The following ALG9 variants were observed in gnomAD, a reference collection of about 807,000 sequenced individuals.
ALG9 encodes ALG9 alpha-1,2-mannosyltransferase, also known as alpha-1,2-mannosyltransferase ALG9.
Under a neutral mutation model 81.8 loss-of-function variants are expected in ALG9, and 55 were observed. That is an observed-to-expected ratio of 0.67 (90% CI 0.54 to 0.84). The LOEUF is 0.84. Among genes scored for constraint, ALG9 ranks in the 40% least tolerant of loss-of-function variants. ALG9 has a pLI of 0.00. For missense variants in ALG9, 629 were observed against 745.0 expected, an observed-to-expected ratio of 0.84 and a Z score of 1.81; for synonymous variants, 278 against 274.3, an observed-to-expected ratio of 1.01 and a Z score of -0.13.
chr11:111,834,219 A>G (rs1441676762), intron 13 of ALG9, among the ~76,000 whole-genome samples: 4 of 152,222 alleles, frequency 2.6e-5, no homozygotes, highest in Non-Finnish European at 5.9e-5. Flanking sequence ...TATGGACTTA[A>G]ATAGTTCACT....
the ALG9 span, among the ~76,000 whole-genome samples, chr11:111,774,100 C>A: frequency 0.74 from 107,155 of 144,214 alleles, 40,465 homozygotes; most frequent in African/African-American, 0.89. Context: ...AAAAGCAGCA[C>A]GGAGGCCGGG....
At chr11:111,861,087 G>A (rs1959917239) in intron 4 of ALG9, among the ~76,000 whole-genome samples, 1 of 152,212 alleles carries the variant, frequency 6.6e-6, no homozygotes, top group South Asian at 2.1e-4. Context: ...GCTTAGGAGA[G>A]TGCCTGGCAC....
At chr11:111,837,748 C>G in intron 11 of ALG9, 133 bp from the exon 12 acceptor site, 1 of 1,003,026 alleles carries the variant, frequency 1.0e-6, no homozygotes, top group Non-Finnish European at 1.5e-6. Context: ...GCCATTCCAG[C>G]ATGAAGCCTG....
chr11:111,796,603 G>A (rs1948323318), intron 14 of ALG9, among the ~76,000 whole-genome samples: 1 of 152,180 alleles, frequency 6.6e-6, no homozygotes, highest in African/African-American at 2.4e-5. Flanking sequence ...GTGTTTTGAA[G>A]CCAAATCTGG....
chr11:111,858,270 T>C (rs1959032862), intron 5 of ALG9, among the ~76,000 whole-genome samples: 1 of 152,052 alleles, frequency 6.6e-6, no homozygotes, highest in Non-Finnish European at 1.5e-5. Flanking sequence ...AACCCAATTA[T>C]ACAATTCTAA....
chr11:111,846,590 A>C lies in ALG9; in HGVS notation c.896-1867T>G, dbSNP rs147793755. On this transcript the variant is annotated intron_variant, in intron 8 of 14. Transcript: ENST00000616540. ...TTCAGAGCTCATAAATCAAGTTTCC[A>C]ACTAGGCTGTGAACATTTCATAACA... Among the ~76,000 whole-genome samples the C allele has an allele frequency of 3.9e-4, 60 of 152,346 alleles. No homozygotes were observed. The East Asian group carries it at 4.2e-3, about 11-fold the overall frequency.
chr11:111,848,415 T>C (rs1555132901), intron 8 of ALG9, among the ~76,000 whole-genome samples: 2 of 151,952 alleles, frequency 1.3e-5, no homozygotes, highest in South Asian at 2.1e-4. Flanking sequence ...TTGACCAACA[T>C]GGAGAAACCC....
chr11:111,835,307 C>T (rs1383650025), intron 13 of ALG9, among the ~76,000 whole-genome samples: 2 of 152,192 alleles, frequency 1.3e-5, no homozygotes, highest in Middle Eastern at 6.8e-3. Flanking sequence ...TACTTCTTAC[C>T]TTTTTCATTA....
intron 13 of ALG9, among the ~76,000 whole-genome samples, chr11:111,820,737 T>C (rs1288977858): frequency 6.6e-6 from 1 of 152,136 alleles, no homozygotes; most frequent in East Asian, 1.9e-4. Flanking sequence ...TGTAAAGAAG[T>C]TCTAAGATGT....
chr11:111,788,188 G>T (rs149416462), intron 14 of ALG9, among the ~76,000 whole-genome samples: 3 of 152,192 alleles, frequency 2.0e-5, no homozygotes, highest in East Asian at 1.9e-4. Flanking sequence ...CGTGGCATTT[G>T]TACTGGCAGC....
chr11:111,819,118 G>A lies in ALG9; in HGVS notation c.1603-9345C>T, dbSNP rs112270474. Among the ~76,000 whole-genome samples, 982 of 152,336 alleles carry A rather than the reference G, an allele frequency of 6.4e-3. 10 individuals are homozygous for A. Among genetic ancestry groups the A allele is most frequent in the African/African-American group, 0.022 (917 of 41,572 alleles). On this transcript the variant is annotated intron_variant, in intron 13 of 14. Transcript: ENST00000616540. ...CTGAGAAAAGGCAACAGGAGGAATG[G>A]GTTCAATGGTTGTATCAAATAATTT...
At position 111,838,490 on chromosome 11, in the gene ALG9, G is replaced by A. The variant is rs539471309; in HGVS notation, c.1174-91C>T. ...CGAAGCCAAAAAAGAGGTTCTATTA[G>A]GGATCTGAGCATTTGCCAACAGTGA... On this transcript the variant is annotated intron_variant, in intron 10 of 14. Transcript: ENST00000616540. 50 of 1,207,492 alleles carry A rather than the reference G, an allele frequency of 4.1e-5. 1 individual carries two copies. The Admixed American group carries it at 7.7e-4, about 19-fold the overall frequency. 74.8% of individuals were successfully genotyped at this position (1,207,492 alleles called of 1,614,324 possible).
Position 111,782,564 on chromosome 11 carries a change from T to C in ALG9, c.*3833A>G, listed in dbSNP as rs1159022280. 1.3e-5 allele frequency: 2 copies of C among 152,680 alleles called. No individual in the cohort carries two copies. Among genetic ancestry groups the C allele is most frequent in the African/African-American group, 4.8e-5 (2 of 41,476 alleles). 9.5% of individuals were successfully genotyped at this position (152,680 alleles called of 1,614,324 possible). On this transcript the variant is annotated 3_prime_UTR_variant, in exon 15 of 15. Transcript: ENST00000616540. ...ACTGATTAACACGTGAGCTTTAATA[T>C]GCTTGTGGAGGCCAAGATTAAATTG...
chr11:111,786,533 G>C lies in ALG9; in HGVS notation c.1734-13C>G. The C allele has an allele frequency of 6.2e-7, 1 of 1,612,730 alleles. No individual in the cohort carries two copies. The highest frequency in any genetic ancestry group is 8.5e-7 in the Non-Finnish European group (1 of 1,179,378). On this transcript the variant is annotated splice_polypyrimidine_tract_variant and intron_variant, in intron 14 of 14. Coordinates refer to ENST00000616540, the MANE Select transcript of ALG9 (RefSeq NM_024740.2). The stretch of plus-strand genomic sequence containing the variant: ...CAGCTTTGAAGATCTGAAAAACAAG[G>C]GATAAAAAAAAGAATTTTATCACTT...
intron 13 of ALG9, 74 bp from the exon 14 acceptor site, chr11:111,809,847 T>A (rs1555089519): frequency 6.4e-7 from 1 of 1,551,838 alleles, no homozygotes; most frequent in Non-Finnish European, 8.9e-7. Context: ...GCAATTGCAA[T>A]CCTAAAAATT....
chr11:111,855,823 G>A (rs1372688761), intron 6 of ALG9, among the ~76,000 whole-genome samples: 2 of 152,164 alleles, frequency 1.3e-5, no homozygotes, highest in Non-Finnish European at 2.9e-5. Context: ...ATGAAAATCT[G>A]AGAATGTGCA....
At chr11:111,852,811 T>A (rs186978714) in intron 8 of ALG9, among the ~76,000 whole-genome samples, 1 of 151,830 alleles carries the variant, frequency 6.6e-6, no homozygotes, top group Non-Finnish European at 1.5e-5. Context: ...GGTGGCGGGC[T>A]AATAGCTGTA....
rs1555157382 is a variant in ALG9, at chr11:111,870,382, C to CCAAAAAAAAAAA, written c.132-13_132-12insTTTTTTTTTTTG. Reference sequence around the variant, plus strand: ...TGTTCCCAGATAACCTGTTCAAAAGCAAAAAAAAAAAAAAAAAAAAAAGCA... The same window carrying CCAAAAAAAAAAA: ...TGTTCCCAGATAACCTGTTCAAAAGCCAAAAAAAAAAAAAAAAAAAAAAAAAAAAAAAAAGCA... On this transcript the variant is annotated splice_polypyrimidine_tract_variant and intron_variant, in intron 1 of 14. Transcript: ENST00000616540. 1.2e-5 allele frequency: 12 copies of CCAAAAAAAAAAA among 973,958 alleles called. 1 individual carries two copies. The highest frequency in any genetic ancestry group is 4.1e-4 in the Middle Eastern group (1 of 2,440). The allele number at this position is 973,958 out of a possible 1,614,324, so 60.3% of individuals were successfully genotyped here. A position where few individuals can be genotyped will look rare whatever the true frequency, so the allele number is the denominator to read the frequency against.
chr11:111,797,307 A>T (rs1190230779), intron 14 of ALG9, among the ~76,000 whole-genome samples: 1 of 152,246 alleles, frequency 6.6e-6, no homozygotes, highest in African/African-American at 2.4e-5. Flanking sequence ...GAAGTCAGCC[A>T]CCATGCTATA....
Sources: gnomAD v4.1 joint callset for allele counts (sites outside exome capture counted in the v4.1 genomes callset) on GRCh38, gnomAD v4.1.1 for gene constraint, MANE v1.5 for transcripts, NCBI Gene and HGNC (gene_info 2026-07-23, HGNC 2026-07-21) for gene names.